KCNIP4: variants seen among roughly 807,000 people sequenced by gnomAD.
The protein encoded by KCNIP4 is Kv channel-interacting protein 4.
In KCNIP4, 12 loss-of-function variants were observed where a neutral mutation model predicts 34.0. That is an observed-to-expected ratio of 0.35 (90% CI 0.23 to 0.57). The LOEUF (loss-of-function observed/expected upper bound fraction) is 0.57. Ranked by LOEUF, KCNIP4 falls within the 20% of genes least tolerant of loss-of-function variation. The probability of loss-of-function intolerance (pLI) is 0.83; values close to 1 mark genes in which losing one functional copy is unlikely to be tolerated. For missense variants in KCNIP4, 238 were observed against 311.7 expected (o/e 0.76, Z 1.78); for synonymous variants, 124 against 102.2 (o/e 1.21, Z -1.29).
At chr4:21,634,600 GA>G (rs1190975853) in intron 1 of KCNIP4, among the ~76,000 whole-genome samples, 1 of 152,084 alleles carries the variant, frequency 6.6e-6, no homozygotes, top group Non-Finnish European at 1.5e-5. Context: ...GCAAAGTTAT[GA>G]CACATCACTC....
intron 3 of KCNIP4, among the ~76,000 whole-genome samples, chr4:20,792,807 A>G (rs998520483): frequency 6.6e-6 from 1 of 152,198 alleles, no homozygotes; most frequent in Non-Finnish European, 1.5e-5. Context: ...ATCAAAATAG[A>G]GTCAGAAATT....
At chr4:21,478,033 C>T (rs571084404) in intron 1 of KCNIP4, among the ~76,000 whole-genome samples, 2 of 152,294 alleles carry the variant, frequency 1.3e-5, no homozygotes, top group Admixed American at 6.5e-5. Flanking sequence ...TATCCTCCTA[C>T]CCTTCAACAA....
intron 1 of KCNIP4, among the ~76,000 whole-genome samples, chr4:21,157,060 C>T (rs1410079950): frequency 1.3e-5 from 2 of 152,124 alleles, no homozygotes; most frequent in African/African-American, 4.8e-5. Context: ...TGGATCAGAA[C>T]ATGACCTCTT....
chr4:21,942,723 A>G (rs1730270096), intron 1 of KCNIP4, among the ~76,000 whole-genome samples: 1 of 152,152 alleles, frequency 6.6e-6, no homozygotes, highest in Non-Finnish European at 1.5e-5. Context: ...AATTCAATCA[A>G]TATGTTTAAA....
At chr4:21,608,746 C>A (rs1288410923) in intron 1 of KCNIP4, 1 of 152,094 alleles carries the variant, frequency 6.6e-6, no homozygotes, top group Non-Finnish European at 1.5e-5. Context: ...CTCTTGTACT[C>A]CAGTCATCAG....
At chr4:21,916,746 G>A (rs1415614794) in intron 1 of KCNIP4, among the ~76,000 whole-genome samples, 2 of 152,160 alleles carry the variant, frequency 1.3e-5, no homozygotes, top group Non-Finnish European at 2.9e-5. Flanking sequence ...CAACTCAAAT[G>A]ACGTTATTTG....
At chr4:21,114,750 C>A (rs756816126) in intron 1 of KCNIP4, among the ~76,000 whole-genome samples, 3 of 151,910 alleles carry the variant, frequency 2.0e-5, no homozygotes, top group African/African-American at 7.3e-5. Context: ...CATCATTTTC[C>A]GATGAAAAAA....
intron 1 of KCNIP4, among the ~76,000 whole-genome samples, chr4:21,121,245 T>C (rs1750133052): frequency 6.6e-6 from 1 of 152,144 alleles, no homozygotes; most frequent in African/African-American, 2.4e-5. Flanking sequence ...GGCCCCCTTA[T>C]GCAGAAAAAG....
chr4:21,319,177 G>A (rs1289264296), intron 1 of KCNIP4, among the ~76,000 whole-genome samples: 13 of 152,192 alleles, frequency 8.5e-5, no homozygotes, highest in Non-Finnish European at 2.9e-5. Flanking sequence ...TCTAAAGGGA[G>A]CCAAGACCTG....
intron 1 of KCNIP4, among the ~76,000 whole-genome samples, chr4:21,653,107 C>T (rs11731991): frequency 0.19 from 29,434 of 152,162 alleles, 4,241 homozygotes; most frequent in East Asian, 0.68. Context: ...TAGGCAAATA[C>T]TCACATACCC....
At chr4:21,465,219 C>T (rs916588274) in intron 1 of KCNIP4, among the ~76,000 whole-genome samples, 2 of 152,130 alleles carry the variant, frequency 1.3e-5, no homozygotes, top group Non-Finnish European at 2.9e-5. Context: ...CCTAAGAGTA[C>T]TTATAGTAAA....
At chr4:21,483,317 C>T (rs574276481) in intron 1 of KCNIP4, among the ~76,000 whole-genome samples, 38 of 151,966 alleles carry the variant, frequency 2.5e-4, no homozygotes, top group Non-Finnish European at 3.5e-4. Context: ...TAAGAACTGA[C>T]GTTTGTTAAT....
chr4:21,533,017 T>C (rs1329741368), intron 1 of KCNIP4, among the ~76,000 whole-genome samples: 2 of 144,836 alleles, frequency 1.4e-5, no homozygotes, highest in African/African-American at 5.2e-5. Flanking sequence ...TATATATACA[T>C]ATGTATATAT....
chr4:20,807,648 A>T (rs963302245), intron 3 of KCNIP4, among the ~76,000 whole-genome samples: 2 of 152,144 alleles, frequency 1.3e-5, no homozygotes, highest in African/African-American at 4.8e-5. Flanking sequence ...AAAGCACAAA[A>T]TGAAAAGCAT....
intron 1 of KCNIP4, among the ~76,000 whole-genome samples, chr4:21,188,229 AAGG>A (rs1241525503): frequency 1.3e-5 from 2 of 152,310 alleles, no homozygotes; most frequent in East Asian, 3.9e-4. Context: ...CTGTGTTATA[AAGG>A]AGGACAGTTT....
At position 21,948,517 on chromosome 4, in the gene KCNIP4, G is replaced by T; in HGVS notation, c.61+54C>A. ...AGGGAAGGGGCAGCCGTCTTGGCTC[G>T]CGAGGGAAGGAGGGCGGAAGCGGGC... On this transcript the variant is annotated intron_variant, in intron 1 of 8. Transcript: ENST00000382152. 3.8e-6 allele frequency: 6 copies of T among 1,572,600 alleles called. No homozygotes were observed. In the South Asian group the frequency reaches 7.0e-5, roughly 18 times the overall value.
intron 1 of KCNIP4, among the ~76,000 whole-genome samples, chr4:20,944,154 T>C (rs1731941915): frequency 6.6e-6 from 1 of 152,174 alleles, no homozygotes; most frequent in Admixed American, 6.5e-5. Context: ...CATGCACACA[T>C]TGACCATAGA....
At chr4:21,400,530 C>A (rs1264762014) in intron 1 of KCNIP4, among the ~76,000 whole-genome samples, 1 of 63,240 alleles carries the variant, frequency 1.6e-5, no homozygotes, top group Non-Finnish European at 3.4e-5. Context: ...CTTCTCTTCT[C>A]TTCTCTTCTC....
intron 1 of KCNIP4, among the ~76,000 whole-genome samples, chr4:21,517,951 A>T (rs1734899090): frequency 6.6e-6 from 1 of 152,076 alleles, no homozygotes; most frequent in African/African-American, 2.4e-5. Flanking sequence ...TATTTATTCC[A>T]CACAAAAGCC....
Sources: gnomAD v4.1 joint callset for allele counts (sites outside exome capture counted in the v4.1 genomes callset) on GRCh38, gnomAD v4.1.1 for gene constraint, MANE v1.5 for transcripts, NCBI Gene and HGNC (gene_info 2026-07-23, HGNC 2026-07-21) for gene names.